Variants in IVD observed in about 807,000 individuals in gnomAD.
IVD encodes the protein isovaleryl-CoA dehydrogenase, mitochondrial.
IVD carries 31 observed loss-of-function variants against 51.3 expected under a neutral mutation model. The ratio of observed to expected loss-of-function variants is 0.60; its 90% CI spans 0.45 to 0.81. The LOEUF (loss-of-function observed/expected upper bound fraction) is 0.81, where lower values mean the gene tolerates loss of function less well. IVD is among the 40% of genes least tolerant of loss of function. The probability of loss-of-function intolerance (pLI) is 0.00; values close to 1 mark genes in which losing one functional copy is unlikely to be tolerated. For missense variants in IVD, 475 were observed against 552.0 expected, an observed-to-expected ratio of 0.86 and a Z score of 1.40; for synonymous variants, 205 against 219.4, an observed-to-expected ratio of 0.93 and a Z score of 0.58.
At chr15:40,435,767 T>C, downstream of IVD, 1 of 945,984 alleles carries the variant, frequency 1.1e-6, no homozygotes, top group African/African-American at 1.8e-5. Flanking sequence ...GTCCTCATCT[T>C]TCCCCTACCT....
At position 40,418,163 on chromosome 15, in the gene IVD, G is replaced by A; in HGVS notation, c.1172G>A (p.Gly391Asp). The A allele has an allele frequency of 6.2e-7, 1 of 1,614,192 alleles. No homozygotes were observed. The highest frequency in any genetic ancestry group is 8.5e-7 in the Non-Finnish European group (1 of 1,180,036). ...GGCTACATCAATGACTTTCCCATGG[G>A]CCGCTTTCTTCGAGATGCCAAGCTG... ...GNGYINDFPM[G>D]RFLRDAKLYE... The change falls in exon 12 of 12, where the codon GGC (glycine) becomes GAC (aspartate). Residue 391 changes from glycine to aspartate, a missense_variant. Physicochemically the swap from Gly to Asp is moderately conservative, Grantham distance 94. Coordinates refer to ENST00000487418, the MANE Select transcript of IVD (RefSeq NM_002225.5).
At chr15:40,411,114 A>G (rs1845332294) in intron 4 of IVD, 146 bp from the exon 5 acceptor site, 1 of 865,334 alleles carries the variant, frequency 1.2e-6, no homozygotes, top group Non-Finnish European at 2.0e-6. Flanking sequence ...CATTGGGCTT[A>G]GAAGAGACTT....
downstream of IVD, among the ~76,000 whole-genome samples, chr15:40,423,757 G>A (rs1892504731): frequency 2.0e-5 from 3 of 152,300 alleles, no homozygotes; most frequent in African/African-American, 7.2e-5. Flanking sequence ...ACCATGCCCG[G>A]CCCAAGGATA....
chr15:40,415,299 T>A (rs1891540126), intron 8 of IVD, 102 bp from the exon 9 acceptor site: 2 of 1,070,274 alleles, frequency 1.9e-6, no homozygotes. Flanking sequence ...TGAAGTTGCT[T>A]TTCTCCTCCC....
intron 3 of IVD, among the ~76,000 whole-genome samples, chr15:40,408,793 A>G (rs965261869): frequency 6.6e-5 from 10 of 152,158 alleles, no homozygotes; most frequent in Non-Finnish European, 1.5e-5. Flanking sequence ...TCTACTAAAA[A>G]TACAAAATTA....
chr15:40,434,025 CAGT>C (rs1893131799), intron 8 of IVD: 1 of 411,712 alleles, frequency 2.4e-6, no homozygotes. Flanking sequence ...TCTGTGGCCA[CAGT>C]GCAGGGCAAG....
At chr15:40,431,536 A>G (rs916531731) in intron 7 of IVD, among the ~76,000 whole-genome samples, 23 of 152,228 alleles carry the variant, frequency 1.5e-4, no homozygotes, top group African/African-American at 4.6e-4. Context: ...TCTACTAAAA[A>G]TACAAAAAAT....
Position 40,407,707 on chromosome 15 carries a change from T to C in IVD, c.216T>C (p.Asn72=). Residue 72 remains asparagine, a synonymous_variant, in exon 2 of 12, where the codon AAT becomes AAC. Coordinates refer to ENST00000487418, the MANE Select transcript of IVD (RefSeq NM_002225.5). ...APKAQEIDRS[N]EFKNLREFWK... ...AGGCCCAGGAGATCGATCGCAGCAA[T>C]GAGTTCAAGAACCTGCGAGTGAGTT... is the stretch of plus-strand genomic sequence containing the variant. 1 of 1,614,162 alleles carries C rather than the reference T, an allele frequency of 6.2e-7. No individual in the cohort carries two copies. Among genetic ancestry groups the C allele is most frequent in the South Asian group, 1.1e-5 (1 of 91,076 alleles).
At chr15:40,432,631 G>C (rs960039945) in intron 7 of IVD, among the ~76,000 whole-genome samples, 2 of 152,274 alleles carry the variant, frequency 1.3e-5, no homozygotes, top group Non-Finnish European at 2.9e-5. Context: ...GTCAGTGGCT[G>C]TGGCTGAGAG....
chr15:40,422,034 G>A (rs1892337754), downstream of IVD, among the ~76,000 whole-genome samples: 1 of 152,230 alleles, frequency 6.6e-6, no homozygotes, highest in Non-Finnish European at 1.5e-5. Flanking sequence ...CCTCGAGGCA[G>A]CGCGCTTCTT....
Position 40,420,422 on chromosome 15 carries a change from T to G in IVD, c.*2159T>G. ...TAACTGCACAGTGGCTGCTGCCATT[T>G]TGTATTAAATATATTGTGAAACAAA... On this transcript the variant is annotated 3_prime_UTR_variant, in exon 12 of 12. Coordinates refer to ENST00000487418, the MANE Select transcript of IVD (RefSeq NM_002225.5). 1 of 987,662 alleles carries G rather than the reference T, an allele frequency of 1.0e-6. No individual in the cohort carries two copies. The highest frequency in any genetic ancestry group is 1.2e-6 in the Non-Finnish European group (1 of 830,122). 61.2% of individuals were successfully genotyped at this position (987,662 alleles called of 1,614,324 possible).
chr15:40,410,818 T>C, intron 4 of IVD, 21 bp downstream of exon 4: 2 of 1,613,260 alleles, frequency 1.2e-6, no homozygotes, highest in Non-Finnish European at 8.5e-7. Flanking sequence ...GGAAATGTAA[T>C]ACACGCTAAT....
intron 7 of IVD, among the ~76,000 whole-genome samples, chr15:40,430,598 G>A (rs758285762): frequency 4.1e-4 from 62 of 152,324 alleles, no homozygotes; most frequent in Middle Eastern, 3.4e-3. Flanking sequence ...ACAGAGGTGG[G>A]AGGAGATTCG....
chr15:40,417,344 C>T (rs1421335982), intron 11 of IVD, among the ~76,000 whole-genome samples: 1 of 151,462 alleles, frequency 6.6e-6, no homozygotes, highest in Non-Finnish European at 1.5e-5. Flanking sequence ...CCCATCTCTA[C>T]TAAAAATACA....
At chr15:40,416,242 T>C in intron 10 of IVD, 48 bp from the exon 11 acceptor site, 3 of 1,612,936 alleles carry the variant, frequency 1.9e-6, no homozygotes, top group Non-Finnish European at 2.5e-6. Context: ...TGAGACTTGC[T>C]GTCTGCGTGC....
chr15:40,413,189 A>G (rs967867736), intron 7 of IVD, 102 bp downstream of exon 7: 41 of 918,296 alleles, frequency 4.5e-5, no homozygotes, highest in Non-Finnish European at 5.4e-5. Context: ...GAGGCTTGGC[A>G]TTGTTAGCGC....
exon 9 of IVD, chr15:40,435,542 C>G: frequency 8.4e-7 from 1 of 1,197,510 alleles, no homozygotes; most frequent in Non-Finnish European, 1.1e-6. Flanking sequence ...ACTCACACCC[C>G]GCGTGCTGCT....
chr15:40,425,964 CTA>C (rs1221236039), downstream of IVD, among the ~76,000 whole-genome samples: 39 of 117,512 alleles, frequency 3.3e-4, 4 homozygotes, highest in African/African-American at 1.1e-3. Flanking sequence ...CCCAGTCCGG[CTA>C]TTTTTTTTTT....
At chr15:40,409,111 G>A (rs953302004) in intron 3 of IVD, among the ~76,000 whole-genome samples, 3 of 152,218 alleles carry the variant, frequency 2.0e-5, no homozygotes, top group Admixed American at 6.5e-5. Context: ...AAAAGCATTA[G>A]GGGAAAGGCT....
Sources: allele counts gnomAD v4.1 joint callset (sites outside exome capture counted in the v4.1 genomes callset), GRCh38; gene constraint gnomAD v4.1.1; transcripts MANE v1.5; gene names NCBI Gene and HGNC (gene_info 2026-07-23, HGNC 2026-07-21).